Variants in PTTG1IP observed in about 807,000 individuals in gnomAD.
PTTG1IP encodes pituitary tumor-transforming gene 1 protein-interacting protein.
In PTTG1IP, 16 loss-of-function variants were observed where a neutral mutation model predicts 24.4. That is an observed-to-expected ratio of 0.66 (90% CI 0.44 to 1.00). The LOEUF (loss-of-function observed/expected upper bound fraction) is 1.00. Among genes scored for constraint, PTTG1IP ranks in the 50% least tolerant of loss-of-function variants. The pLI is 0.00. For missense variants in PTTG1IP, 241 were observed against 245.8 expected, an observed-to-expected ratio of 0.98 and a Z score of 0.13; for synonymous variants, 89 against 96.8, an observed-to-expected ratio of 0.92 and a Z score of 0.47.
chr21:44,863,176 TCAGCAGCAGAGACACA>T (rs1281220353), intron 2 of PTTG1IP, among the ~76,000 whole-genome samples: 2 of 130,576 alleles, frequency 1.5e-5, no homozygotes, highest in Non-Finnish European at 1.6e-5. Flanking sequence ...CACCACGGCC[TCAGCAGCAGAGACACA>T]GCCCACCACG....
Position 44,873,509 on chromosome 21 carries a change from G to A in PTTG1IP, c.108C>T (p.Pro36=), listed in dbSNP as rs1274521885. 2.8e-6 allele frequency: 4 copies of A among 1,451,964 alleles called. No individual in the cohort carries two copies. The South Asian group carries it at 5.3e-5, about 19-fold the overall frequency. 89.9% of individuals were successfully genotyped at this position (1,451,964 alleles called of 1,614,324 possible). The part of the protein sequence containing the change: ...LIPVAAAQEP[P]GAACSQNTNK... Reference sequence around the variant, plus strand: ...CCGCCCCGGCGCCCTCACCAGCTCCGGGAGGCTCCTGCGCGGCGGCCACCG... The same window carrying A: ...CCGCCCCGGCGCCCTCACCAGCTCCAGGAGGCTCCTGCGCGGCGGCCACCG... Residue 36 remains proline, a synonymous_variant, in exon 1 of 6, where the codon CCC becomes CCT. Transcript: ENST00000330938.
chr21:44,867,517 T>C (rs548761209), intron 1 of PTTG1IP, among the ~76,000 whole-genome samples: 3 of 152,150 alleles, frequency 2.0e-5, no homozygotes, highest in African/African-American at 7.2e-5. Context: ...AACAGCACAA[T>C]TAAGTTTCCC....
chr21:44,862,791 T>C (rs1326004153), intron 2 of PTTG1IP, among the ~76,000 whole-genome samples: 1 of 152,214 alleles, frequency 6.6e-6, no homozygotes, highest in Non-Finnish European at 1.5e-5. Flanking sequence ...TCCAGCATAA[T>C]GTAACAATTA....
chr21:44,856,396 C>T (rs2083450207), intron 3 of PTTG1IP, 32 bp from the exon 4 acceptor site: 3 of 1,586,732 alleles, frequency 1.9e-6, no homozygotes, highest in South Asian at 2.3e-5. Flanking sequence ...GTTAGGGCCG[C>T]CCCAGACACA....
In PTTG1IP at chr21:44,855,391, C is replaced by A; in HGVS notation, c.450-135G>T. 5.5e-6 allele frequency: 5 copies of A among 911,178 alleles called. No individual in the cohort carries two copies. The South Asian group carries it at 7.2e-5, about 13-fold the overall frequency. 56.4% of individuals were successfully genotyped at this position (911,178 alleles called of 1,614,324 possible). A position where few individuals can be genotyped will look rare whatever the true frequency, so the allele number is the denominator to read the frequency against. ...CTTCCCTCCAGTTCCCAGAGTGAAA[C>A]CAGGGTGAGGACAAGCTTGGTCATC... is the stretch of plus-strand genomic sequence containing the variant. On this transcript the variant is annotated intron_variant, in intron 4 of 5. Transcript: ENST00000330938.
At chr21:44,854,721 T>C (rs1278973270) in intron 5 of PTTG1IP, among the ~76,000 whole-genome samples, 1 of 152,058 alleles carries the variant, frequency 6.6e-6, no homozygotes, top group Non-Finnish European at 1.5e-5. Flanking sequence ...CCAAAATCTC[T>C]CCAGACACAA....
At position 44,851,564 on chromosome 21, in the gene PTTG1IP, T is replaced by A; in HGVS notation, c.*17A>T. 1 of 1,611,292 alleles carries A rather than the reference T, an allele frequency of 6.2e-7. No homozygotes were observed. Among genetic ancestry groups the A allele is most frequent in the Non-Finnish European group, 8.5e-7 (1 of 1,177,514 alleles). On this transcript the variant is annotated 3_prime_UTR_variant, in exon 6 of 6. Coordinates refer to ENST00000330938, the MANE Select transcript of PTTG1IP (RefSeq NM_004339.4). ...TGCACCTCACAGGAAGCGTCGGGAC[T>A]GATGTGCTGGAGCGCTTTAGTTGTT...
intron 5 of PTTG1IP, among the ~76,000 whole-genome samples, chr21:44,854,480 GACA>G (rs1225927082): frequency 6.2e-5 from 7 of 112,704 alleles, no homozygotes; most frequent in African/African-American, 1.4e-4. Context: ...AGACGCCCAT[GACA>G]CCACACAACC....
chr21:44,858,942 TC>T (rs1292573590), intron 3 of PTTG1IP, among the ~76,000 whole-genome samples: 1 of 152,046 alleles, frequency 6.6e-6, no homozygotes, highest in East Asian at 1.9e-4. Context: ...GTACAGCCAC[TC>T]CAAAAACATT....
intron 5 of PTTG1IP, among the ~76,000 whole-genome samples, chr21:44,854,088 C>A (rs1236353138): frequency 1.3e-5 from 2 of 152,300 alleles, no homozygotes; most frequent in Middle Eastern, 3.4e-3. Flanking sequence ...TGAGAGGGAA[C>A]CCAACGCCAA....
chr21:44,866,209 A>AACACAC (rs35473745), intron 1 of PTTG1IP, among the ~76,000 whole-genome samples: 9 of 124,500 alleles, frequency 7.2e-5, no homozygotes, highest in African/African-American at 2.8e-4. Context: ...CCAATCCTGT[A>AACACAC]ACACACACAC....
chr21:44,861,398 C>A (rs1218563448), intron 2 of PTTG1IP, 127 bp from the exon 3 acceptor site: 18 of 746,006 alleles, frequency 2.4e-5, no homozygotes, highest in South Asian at 7.2e-5. Flanking sequence ...CAACCTCCCC[C>A]TCAACGCCTC....
At chr21:44,865,356 C>T in intron 2 of PTTG1IP, 39 bp downstream of exon 2, 1 of 1,603,018 alleles carries the variant, frequency 6.2e-7, no homozygotes, top group East Asian at 2.2e-5. Flanking sequence ...TTTGGACGGT[C>T]TGGACGGCAC....
At chr21:44,872,557 T>C (rs1378723016) in intron 1 of PTTG1IP, among the ~76,000 whole-genome samples, 1 of 152,146 alleles carries the variant, frequency 6.6e-6, no homozygotes, top group African/African-American at 2.4e-5. Flanking sequence ...CAGCATGACA[T>C]TGTGAAACAG....
rs78594120 is a variant in PTTG1IP, at chr21:44,868,736, C to T, written c.116-3289G>A. Reference sequence around the variant, plus strand: ...GATGAGTTGAGAAGCCTCCATTTTACAATCATCACAGCCAACACTAATGCA... The same window carrying T: ...GATGAGTTGAGAAGCCTCCATTTTATAATCATCACAGCCAACACTAATGCA... On this transcript the variant is annotated intron_variant, in intron 1 of 5. Transcript: ENST00000330938. Among the ~76,000 whole-genome samples, 1,520 of 152,302 alleles carry T rather than the reference C, an allele frequency of 1.0e-2. 14 individuals are homozygous for T. Among genetic ancestry groups the T allele is most frequent in the Middle Eastern group, 0.031 (9 of 294 alleles).
At chr21:44,854,154 C>G (rs558977314) in intron 5 of PTTG1IP, among the ~76,000 whole-genome samples, 2 of 152,188 alleles carry the variant, frequency 1.3e-5, no homozygotes, top group Admixed American at 6.5e-5. Flanking sequence ...TTGCCGTCCA[C>G]CCCCCACCCG....
chr21:44,871,250 G>T (rs369970048), intron 1 of PTTG1IP, among the ~76,000 whole-genome samples: 3 of 95,032 alleles, frequency 3.2e-5, no homozygotes, highest in African/African-American at 9.8e-5. Flanking sequence ...CAGGGTGACA[G>T]GGGCAGAACT....
chr21:44,873,507 C>A lies in PTTG1IP; in HGVS notation c.110G>T (p.Gly37Val). ...GCCCGCCCCGGCGCCCTCACCAGCT[C>A]CGGGAGGCTCCTGCGCGGCGGCCAC... is the stretch of plus-strand genomic sequence containing the variant. ...IPVAAAQEPP[G>V]AACSQNTNKT... is the part of the protein sequence containing the mutation. The change falls in exon 1 of 6, where the codon GGA becomes GTA. Residue 37 changes from glycine (G) to valine (V), a missense_variant. Physicochemically the swap from Gly to Val is moderately radical, Grantham distance 109 (BLOSUM62 -3). Transcript: ENST00000330938. 2 of 1,451,226 alleles carry A rather than the reference C, an allele frequency of 1.4e-6. No individual in the cohort carries two copies. The highest frequency in any genetic ancestry group is 1.3e-5 in the South Asian group (1 of 75,382). 89.9% of individuals were successfully genotyped at this position (1,451,226 alleles called of 1,614,324 possible).
intron 2 of PTTG1IP, among the ~76,000 whole-genome samples, chr21:44,863,241 A>AC (rs1569324964): frequency 3.3e-5 from 4 of 120,816 alleles, no homozygotes; most frequent in African/African-American, 7.0e-5. Context: ...CGGCCTCAGC[A>AC]GCAGAGACAC....
Sources: gnomAD v4.1 joint callset for allele counts (sites outside exome capture counted in the v4.1 genomes callset) on GRCh38, gnomAD v4.1.1 for gene constraint, MANE v1.5 for transcripts, NCBI Gene and HGNC (gene_info 2026-07-23, HGNC 2026-07-21) for gene names.